Variants in MGA observed in about 807,000 individuals in gnomAD.
The protein encoded by MGA is MAX gene-associated protein.
Under a neutral mutation model 261.1 loss-of-function variants are expected in MGA, and 40 were observed. The observed-to-expected ratio is 0.15, with a 90% CI of 0.12 to 0.20. The LOEUF is 0.20. Among genes scored for constraint, MGA ranks in the 10% least tolerant of loss-of-function variants. The probability of loss-of-function intolerance (pLI) is 1.00; values close to 1 mark genes in which losing one functional copy is unlikely to be tolerated. For synonymous variants in MGA, 1,302 were observed against 1,290.6 expected, an observed-to-expected ratio of 1.01 and a Z score of -0.19; for missense variants, 3,397 against 3,630.5, an observed-to-expected ratio of 0.94 and a Z score of 1.65.
At position 41,767,290 on chromosome 15, in the gene MGA, T is replaced by G. The variant is rs142393414; in HGVS notation, c.*10T>G. The G allele has an allele frequency of 1.3e-6, 2 of 1,592,314 alleles. No individual in the cohort carries two copies. The highest frequency in any genetic ancestry group is 1.7e-6 in the Non-Finnish European group (2 of 1,167,338). On this transcript the variant is annotated 3_prime_UTR_variant, in exon 24 of 24. Transcript: ENST00000219905. ...TTCTGCAGGGAAATGAACTTACTTG[T>G]CCTTAAGCAGAAGCCAGGCTGTGAG...
rs768465721 is a variant in MGA at position 41,766,398 on chromosome 15, T to G, written c.8316T>G (p.Asp2772Glu). 50 of 1,613,746 alleles carry G rather than the reference T, an allele frequency of 3.1e-5. No homozygotes were observed. Among genetic ancestry groups the G allele is most frequent in the Non-Finnish European group, 3.9e-5 (46 of 1,179,812 alleles). ...GAGGGGAGAGAGTGAAGTCAAAGGA[T>G]TCTTCATTTCATAAATTAAAGATGA... The change falls in exon 24 of 24, where the codon GAT (aspartate) becomes GAG (glutamate). Residue 2772 changes from aspartate to glutamate, a missense_variant. This residue lies in a region of MGA where 647 missense variants were observed against 642.4 expected (regional missense o/e 1.01). Transcript: ENST00000219905.
At chr15:41,651,732 C>T (rs1341057901) in intron 1 of MGA, among the ~76,000 whole-genome samples, 2 of 68,124 alleles carry the variant, frequency 2.9e-5, no homozygotes, top group Non-Finnish European at 5.8e-5. Flanking sequence ...CTTCTCTTCT[C>T]CCCTTCCCCT....
intron 2 of MGA, among the ~76,000 whole-genome samples, chr15:41,681,414 T>TTA (rs1555410750): frequency 6.6e-6 from 1 of 151,546 alleles, no homozygotes; most frequent in Non-Finnish European, 1.5e-5. Flanking sequence ...TTTTTTTTTT[T>TTA]AATTCTGTTA....
chr15:41,733,807 A>G (rs2061636170), intron 11 of MGA, among the ~76,000 whole-genome samples: 1 of 152,210 alleles, frequency 6.6e-6, no homozygotes, highest in Admixed American at 6.5e-5. Context: ...GATTTGATAA[A>G]TTAAAAAGTA....
At chr15:41,740,678 T>G (rs2062040616) in intron 14 of MGA, among the ~76,000 whole-genome samples, 1 of 152,242 alleles carries the variant, frequency 6.6e-6, no homozygotes, top group Non-Finnish European at 1.5e-5. Flanking sequence ...CTCTTGCTGG[T>G]GCTATGTAAA....
At chr15:41,639,536 A>T (rs1008600188) in intron 1 of MGA, among the ~76,000 whole-genome samples, 4 of 149,384 alleles carry the variant, frequency 2.7e-5, no homozygotes, top group East Asian at 2.0e-4. Context: ...TAAATTAATT[A>T]ATTTATTTTT....
intron 19 of MGA, among the ~76,000 whole-genome samples, chr15:41,759,150 T>C (rs576222693): frequency 1.3e-5 from 2 of 152,252 alleles, no homozygotes; most frequent in East Asian, 3.9e-4. Context: ...TAAGGTAGAA[T>C]TCAAGTTGCT....
upstream of MGA, among the ~76,000 whole-genome samples, chr15:41,659,254 T>G (rs1440740078): frequency 6.6e-6 from 1 of 152,194 alleles, no homozygotes; most frequent in Non-Finnish European, 1.5e-5. Flanking sequence ...GAGCAAAGTG[T>G]AGAGAAATAT....
upstream of MGA, among the ~76,000 whole-genome samples, chr15:41,655,978 C>G (rs895912452): frequency 6.6e-6 from 1 of 152,148 alleles, no homozygotes; most frequent in Non-Finnish European, 1.5e-5. Flanking sequence ...ATTTATTCAA[C>G]AAATATGTGT....
intron 1 of MGA, among the ~76,000 whole-genome samples, chr15:41,663,257 C>T (rs1359651767): frequency 6.6e-6 from 1 of 151,700 alleles, no homozygotes; most frequent in East Asian, 1.9e-4. Flanking sequence ...CTGAATTTTC[C>T]CCTCCACAAC....
intron 5 of MGA, among the ~76,000 whole-genome samples, chr15:41,701,246 C>T (rs2059837478): frequency 6.6e-6 from 1 of 151,970 alleles, no homozygotes; most frequent in Admixed American, 6.6e-5. Context: ...TTTTCCACTT[C>T]CATTTTTTTT....
In MGA at chr15:41,711,164, C is replaced by G; in HGVS notation, c.2899C>G (p.Gln967Glu). 1 of 1,613,978 alleles carries G rather than the reference C, an allele frequency of 6.2e-7. No homozygotes were observed. The highest frequency in any genetic ancestry group is 8.5e-7 in the Non-Finnish European group (1 of 1,179,896). The change falls in exon 8 of 24, where the codon CAG becomes GAG. Residue 967 changes from glutamine to glutamate, a missense_variant. Gln to Glu is a conservative substitution (Grantham distance 29). Transcript: ENST00000219905. Reference sequence around the variant, plus strand: ...TTTGGATGAAAATATATTTCCAAAGCAGATTAGTTTGCGGCAGGCACAGCA... The same window carrying G: ...TTTGGATGAAAATATATTTCCAAAGGAGATTAGTTTGCGGCAGGCACAGCA...
In MGA at chr15:41,699,265, CCT is replaced by C. The variant is rs1252863825; in HGVS notation, c.2188+109_2188+110del. The C allele has an allele frequency of 4.3e-5, 32 of 746,248 alleles. 1 individual carries two copies. The highest frequency in any genetic ancestry group is 4.2e-4 in the South Asian group (19 of 45,016). 46.2% of individuals were successfully genotyped at this position (746,248 alleles called of 1,614,324 possible). On this transcript the variant is annotated intron_variant, in intron 5 of 23. Transcript: ENST00000219905. ...TCTCATCTCTTTTTTTCTGTTTTTTCCTCTTTCTTTCTAGCCTTGATTTCATT... is the reference window on the plus strand; with the variant it reads ...TCTCATCTCTTTTTTTCTGTTTTTTCCTTTCTTTCTAGCCTTGATTTCATT...
intron 2 of MGA, among the ~76,000 whole-genome samples, chr15:41,674,901 A>G (rs901678387): frequency 1.3e-5 from 2 of 152,222 alleles, no homozygotes; most frequent in Non-Finnish European, 2.9e-5. Context: ...CAAAATGTTC[A>G]TTATTATAGA....
intron 2 of MGA, 141 bp downstream of exon 2, chr15:41,670,099 C>A: frequency 1.4e-6 from 1 of 707,540 alleles, no homozygotes; most frequent in Non-Finnish European, 2.3e-6. Flanking sequence ...ACTGCTTTTA[C>A]ATTCTGTGAA....
intron 1 of MGA, among the ~76,000 whole-genome samples, chr15:41,666,106 G>A (rs2057721748): frequency 1.3e-5 from 2 of 150,910 alleles, no homozygotes; most frequent in African/African-American, 4.9e-5. Flanking sequence ...TTTTGACCAG[G>A]CTGGTCTTGA....
chr15:41,645,144 A>G (rs993860290), intron 1 of MGA, among the ~76,000 whole-genome samples: 4 of 152,184 alleles, frequency 2.6e-5, no homozygotes, highest in African/African-American at 9.7e-5. Context: ...TCAGTTGCAA[A>G]TGTTCATCTG....
intron 1 of MGA, among the ~76,000 whole-genome samples, chr15:41,642,998 C>T (rs1462570034): frequency 6.6e-6 from 1 of 151,116 alleles, no homozygotes; most frequent in Non-Finnish European, 1.5e-5. Flanking sequence ...ACTGTAGCCT[C>T]ATCCTCCCAG....
At chr15:41,666,459 G>GA (rs2057743765) in intron 1 of MGA, among the ~76,000 whole-genome samples, 1 of 152,090 alleles carries the variant, frequency 6.6e-6, no homozygotes, top group South Asian at 2.1e-4. Context: ...TACAAGGGTT[G>GA]AAAAACTACC....
Sources: gnomAD v4.1 joint callset for allele counts (sites outside exome capture counted in the v4.1 genomes callset) on GRCh38, gnomAD v4.1.1 for gene constraint, gnomAD v4.1.1 regional missense constraint, MANE v1.5 for transcripts, NCBI Gene and HGNC (gene_info 2026-07-23, HGNC 2026-07-21) for gene names.